IGSF8: variants seen among roughly 807,000 people sequenced by gnomAD.
IGSF8 encodes CD81 partner 3.
In IGSF8, 46 loss-of-function variants were observed where a neutral mutation model predicts 55.5. The observed-to-expected ratio is 0.83, with a 90% CI of 0.65 to 1.06. The LOEUF is 1.06. Among genes scored for constraint, IGSF8 ranks in the 50% least tolerant of loss-of-function variants. IGSF8 has a pLI of 0.00. For missense variants in IGSF8, 731 were observed against 832.3 expected, an observed-to-expected ratio of 0.88 and a Z score of 1.50; for synonymous variants, 314 against 356.1, an observed-to-expected ratio of 0.88 and a Z score of 1.33.
intron 1 of IGSF8, chr1:160,097,812 T>G (rs1257794473): frequency 1.0e-6 from 1 of 985,310 alleles, no homozygotes; most frequent in Admixed American, 6.1e-5. Flanking sequence ...TGAAAACTGA[T>G]GGGTGGCTGC....
At chr1:160,093,604 T>A in intron 3 of IGSF8, 106 bp downstream of exon 3, 1 of 947,608 alleles carries the variant, frequency 1.1e-6, no homozygotes, top group Non-Finnish European at 1.6e-6. Flanking sequence ...GGAAGATGAG[T>A]TCCTTGGAGT....
chr1:160,094,919 G>T lies in IGSF8; in HGVS notation c.392C>A (p.Ser131Tyr). 1 of 1,614,084 alleles carries T rather than the reference G, an allele frequency of 6.2e-7. No homozygotes were observed. Among genetic ancestry groups the T allele is most frequent in the Non-Finnish European group, 8.5e-7 (1 of 1,180,006 alleles). ...GCTGCCCAGGTAGCGGGTATCAGTG[G>T]AGGGGGTGTGGCACTCATAAATGCC... ...DAGIYECHTP[S>Y]TDTRYLGSYS... The change falls in exon 2 of 7, where the codon TCC (serine) becomes TAC (tyrosine). Residue 131 changes from serine to tyrosine, a missense_variant. Transcript: ENST00000314485. This position sits in a 1 kb window ranked among gnomAD's most constrained non-coding sequence, Gnocchi z 4.0.
Position 160,091,792 on chromosome 1 carries a change from G to T in IGSF8, c.*15+16C>A, listed in dbSNP as rs749921570. The T allele has an allele frequency of 1.3e-6, 2 of 1,498,556 alleles. No individual in the cohort carries two copies. Among genetic ancestry groups the T allele is most frequent in the Admixed American group, 1.7e-5 (1 of 59,878 alleles). 92.8% of individuals were successfully genotyped at this position (1,498,556 alleles called of 1,614,324 possible). On this transcript the variant is annotated intron_variant, in intron 6 of 6. Coordinates refer to ENST00000314485, the MANE Select transcript of IGSF8 (RefSeq NM_052868.6). The stretch of plus-strand genomic sequence containing the variant: ...AAGCCCAATGAAAACAAGGTTGGGG[G>T]GTTCTTTTCCCTCACCTGGGGAGTA...
At chr1:160,093,593 TG>T in intron 3 of IGSF8, 116 bp downstream of exon 3, 1 of 895,916 alleles carries the variant, frequency 1.1e-6, no homozygotes, top group Non-Finnish European at 1.7e-6. Context: ...GCTCACTCTG[TG>T]GAAGATGAGT....
At position 160,091,510 on chromosome 1, in the gene IGSF8, T is replaced by A; in HGVS notation, c.*114A>T. The A allele has an allele frequency of 3.1e-6, 1 of 318,230 alleles. No individual in the cohort carries two copies. The highest frequency in any genetic ancestry group is 4.2e-5 in the South Asian group (1 of 24,084). The allele number at this position is 318,230 out of a possible 1,614,324, so 19.7% of individuals were successfully genotyped here. A position where few individuals can be genotyped will look rare whatever the true frequency, so the allele number is the denominator to read the frequency against. The stretch of plus-strand genomic sequence containing the variant: ...GTCTCCCATTCTGGGTAGTGGGAGG[T>A]CAAATAAATTAAAGGAAGAGTGGAC... On this transcript the variant is annotated 3_prime_UTR_variant, in exon 7 of 7. Coordinates refer to ENST00000314485, the MANE Select transcript of IGSF8 (RefSeq NM_052868.6).
At position 160,094,103 on chromosome 1, in the gene IGSF8, G is replaced by A. The variant is rs376229802; in HGVS notation, c.511C>T (p.Pro171Ser). The change falls in exon 3 of 7, where the codon CCC becomes TCC. Residue 171 changes from proline to serine, a missense_variant. By Grantham distance (74) the Pro-to-Ser change is moderately conservative (BLOSUM62 -1). Transcript: ENST00000314485. This position sits in a 1 kb window ranked among gnomAD's most constrained non-coding sequence, Gnocchi z 4.0. ...GPRGRQAPTS[P>S]PRMTVHEGQE... ...CCCTCATGCACCGTCATGCGTGGGG[G>A]TGAGGTTGGGGCCTGGCGGCCTCGG... is the stretch of plus-strand genomic sequence containing the variant. 2.2e-5 allele frequency: 35 copies of A among 1,611,296 alleles called. No individual in the cohort carries two copies. The highest frequency in any genetic ancestry group is 1.9e-5 in the Non-Finnish European group (23 of 1,180,018).
chr1:160,093,521 T>C (rs1650168227), intron 3 of IGSF8, among the ~76,000 whole-genome samples, 189 bp downstream of exon 3: 1 of 152,118 alleles, frequency 6.6e-6, no homozygotes, highest in Non-Finnish European at 1.5e-5. Flanking sequence ...CCTATCTCTA[T>C]ACCCAATTTC....
At position 160,094,117 on chromosome 1, in the gene IGSF8, T is replaced by A. The variant is rs1650244380; in HGVS notation, c.497A>T (p.Gln166Leu). The A allele has an allele frequency of 1.2e-6, 2 of 1,609,172 alleles. No individual in the cohort carries two copies. The highest frequency in any genetic ancestry group is 1.7e-6 in the Non-Finnish European group (2 of 1,179,920). ...CATGCGTGGGGGTGAGGTTGGGGCCTGGCGGCCTCGGGGCCCTGGGGGGGC... is the reference window on the plus strand; with the variant it reads ...CATGCGTGGGGGTGAGGTTGGGGCCAGGCGGCCTCGGGGCCCTGGGGGGGC... ...SAAPPGPRGR[Q>L]APTSPPRMTV... The change falls in exon 3 of 7, where the codon CAG becomes CTG. Residue 166 changes from glutamine to leucine, a missense_variant. Physicochemically the swap from Gln to Leu is moderately radical, Grantham distance 113 (BLOSUM62 -2). Transcript: ENST00000314485. The surrounding 1 kb of genome is among the most constrained non-coding windows in gnomAD (Gnocchi z 4.0).
chr1:160,098,288 C>G, intron 1 of IGSF8, 121 bp downstream of exon 1: 2 of 1,396,112 alleles, frequency 1.4e-6, no homozygotes, highest in Non-Finnish European at 9.5e-7. Flanking sequence ...ACGCCGACCC[C>G]GGGGAGGCTG....
At position 160,098,066 on chromosome 1, in the gene IGSF8, G is replaced by C. The variant is rs1016499478; in HGVS notation, c.64+343C>G. ...GGCACCCAAGGCCAGGCCTGGAGCT[G>C]AGTGTGGGGCAGAAAGGAGTCGCAG... On this transcript the variant is annotated intron_variant, in intron 1 of 6. Coordinates refer to ENST00000314485, the MANE Select transcript of IGSF8 (RefSeq NM_052868.6). 6.4e-6 allele frequency: 5 copies of C among 783,832 alleles called. No individual in the cohort carries two copies. In the African/African-American group the frequency reaches 7.5e-5, roughly 12 times the overall value. The allele number at this position is 783,832 out of a possible 1,614,324, so 48.6% of individuals were successfully genotyped here.
In IGSF8 at chr1:160,093,333, T is replaced by C; in HGVS notation, c.905-2A>G. 6.3e-7 allele frequency: 1 copy of C among 1,578,834 alleles called. No homozygotes were observed. Among genetic ancestry groups the C allele is most frequent in the Non-Finnish European group, 8.7e-7 (1 of 1,154,878 alleles). On this transcript the variant is annotated splice_acceptor_variant, in intron 3 of 6. Transcript: ENST00000314485. LOFTEE classifies it high-confidence loss of function. The stretch of plus-strand genomic sequence containing the variant: ...CCACTGTCACTGCCAGCTGGCTGGC[T>C]GAAACACAGGTAGGGGAAGAGGTGT...
chr1:160,091,710 C>A, intron 6 of IGSF8, 98 bp downstream of exon 6: 1 of 780,954 alleles, frequency 1.3e-6, no homozygotes, highest in Non-Finnish European at 2.3e-6. Flanking sequence ...GAGCTGCCTA[C>A]TCCTCCTCCA....
In IGSF8 at chr1:160,091,454, T is replaced by G; in HGVS notation, c.*170A>C. The G allele has an allele frequency of 4.2e-6, 1 of 236,222 alleles. No individual in the cohort carries two copies. Among genetic ancestry groups the G allele is most frequent in the Non-Finnish European group, 8.3e-6 (1 of 120,170 alleles). 14.6% of individuals were successfully genotyped at this position (236,222 alleles called of 1,614,324 possible). ...GAACAGAAGGCCAGAGGGAGGGGCT[T>G]GGGAGGGAAGGAGTGGGGAAGGGGA... On this transcript the variant is annotated 3_prime_UTR_variant, in exon 7 of 7. Coordinates refer to ENST00000314485, the MANE Select transcript of IGSF8 (RefSeq NM_052868.6).
At chr1:160,093,474 A>G (rs1650164889) in intron 3 of IGSF8, 143 bp from the exon 4 acceptor site, 2 of 861,848 alleles carry the variant, frequency 2.3e-6, no homozygotes, top group African/African-American at 1.7e-5. Context: ...CCATCTTTCT[A>G]TTTAGGGGCT....
At chr1:160,098,072 G>T in intron 1 of IGSF8, 1 of 722,696 alleles carries the variant, frequency 1.4e-6, no homozygotes, top group Non-Finnish European at 1.7e-6. Flanking sequence ...AGCTGAGTGT[G>T]GGGCAGAAAG....
chr1:160,092,076 C>T, intron 5 of IGSF8, 138 bp from the exon 6 acceptor site: 2 of 806,468 alleles, frequency 2.5e-6, no homozygotes, highest in South Asian at 3.3e-5. Context: ...CACAGCCTGC[C>T]CCCTCAGCAT....
rs776299222 is a variant in IGSF8 at position 160,094,872 on chromosome 1, T to G, written c.439A>C (p.Arg147=). 6.2e-7 allele frequency: 1 copy of G among 1,611,334 alleles called. No individual in the cohort carries two copies. Among genetic ancestry groups the G allele is most frequent in the Non-Finnish European group, 8.5e-7 (1 of 1,178,312 alleles). Residue 147 remains arginine, a synonymous_variant, in exon 2 of 7, where the codon AGA becomes CGA. Transcript: ENST00000314485. The surrounding 1 kb of genome is among the most constrained non-coding windows in gnomAD (Gnocchi z 4.0). ...LGSYSGKVEL[R]VLPDVLQVSA... is the part of the protein sequence containing the mutation. Reference sequence around the variant, plus strand: ...ACCCCGTCCCAGGGCCCAGTACCTCTCAGCTCCACCTTGCCGCTGTAGCTG... The same window carrying G: ...ACCCCGTCCCAGGGCCCAGTACCTCGCAGCTCCACCTTGCCGCTGTAGCTG...
chr1:160,097,006 C>T (rs1426116313), intron 1 of IGSF8, among the ~76,000 whole-genome samples: 2 of 152,222 alleles, frequency 1.3e-5, no homozygotes, highest in African/African-American at 4.8e-5. Context: ...AGTTGCCACA[C>T]AGCTCTCTCT....
rs1332979950 is a variant in IGSF8, at chr1:160,097,781, G to C, written c.64+628C>G. On this transcript the variant is annotated intron_variant, in intron 1 of 6. Transcript: ENST00000314485. ...TGGAACCTGGTTTCTCCTGAGGCAA[G>C]GAAGCTGGAACTAAGCGGTGTGAAA... 3.0e-6 allele frequency: 3 copies of C among 985,352 alleles called. No individual in the cohort carries two copies. In the African/African-American group the frequency reaches 5.2e-5, roughly 17 times the overall value. The allele number at this position is 985,352 out of a possible 1,614,324, so 61.0% of individuals were successfully genotyped here. A position where few individuals can be genotyped will look rare whatever the true frequency, so the allele number is the denominator to read the frequency against.
Sources: gnomAD v4.1 joint callset for allele counts (sites outside exome capture counted in the v4.1 genomes callset) on GRCh38, gnomAD v4.1.1 for gene constraint, Gnocchi (gnomAD v3.1) non-coding constraint, MANE v1.5 for transcripts, NCBI Gene and HGNC (gene_info 2026-07-23, HGNC 2026-07-21) for gene names.